Variants in CDH22 observed in about 807,000 individuals in gnomAD.
CDH22 encodes cadherin-22.
In CDH22, 30 loss-of-function variants were observed where a neutral mutation model predicts 58.4. The ratio of observed to expected loss-of-function variants is 0.51; its 90% CI spans 0.38 to 0.70. The LOEUF (loss-of-function observed/expected upper bound fraction) is 0.70, where lower values mean the gene tolerates loss of function less well. Among genes scored for constraint, CDH22 ranks in the 30% least tolerant of loss-of-function variants. The pLI is 0.00. For missense variants in CDH22, 1,014 were observed against 1,233.9 expected (o/e 0.82, Z 2.67); for synonymous variants, 513 against 558.2 (o/e 0.92, Z 1.14).
At chr20:46,244,715 A>T (rs2086315980) in intron 2 of CDH22, among the ~76,000 whole-genome samples, 2 of 152,158 alleles carry the variant, frequency 1.3e-5, no homozygotes, top group Admixed American at 1.3e-4. Context: ...GCAGAGGGTG[A>T]GGGAGAAAAG....
chr20:46,181,863 T>C (rs989674153), intron 10 of CDH22, among the ~76,000 whole-genome samples: 6 of 150,488 alleles, frequency 4.0e-5, no homozygotes, highest in African/African-American at 1.2e-4. Flanking sequence ...GTCACCCAAA[T>C]TGGAGTGCAG....
In CDH22 at chr20:46,176,367, G is replaced by A. The variant is rs183527495; in HGVS notation, c.1916-1290C>T. Among the ~76,000 whole-genome samples the A allele has an allele frequency of 3.3e-5, 5 of 152,216 alleles. No individual in the cohort carries two copies. The East Asian group carries it at 5.8e-4, about 18-fold the overall frequency. On this transcript the variant is annotated intron_variant, in intron 11 of 11. Transcript: ENST00000537909. ...TCTCAAACTTAACAGGTTCAAAGGT[G>A]AAATACTAATCTTTCCCCCTTCCCC...
In CDH22 at chr20:46,235,401, G is replaced by A. The variant is rs146757891; in HGVS notation, c.550+5562C>T. On this transcript the variant is annotated intron_variant, in intron 3 of 11. Transcript: ENST00000537909. ...CTGTTGATGTATGCAGCATCAAGCT[G>A]TAAATTCCCTCTCTCTGCTGCTGAC... Among the ~76,000 whole-genome samples, 163 of 152,320 alleles carry A rather than the reference G, an allele frequency of 1.1e-3. 2 individuals carry two copies. Among genetic ancestry groups the A allele is most frequent in the African/African-American group, 3.8e-3 (159 of 41,574 alleles).
Position 46,216,834 on chromosome 20 carries a change from A to G in CDH22, c.830T>C (p.Phe277Ser), listed in dbSNP as rs1333617829. 6.3e-7 allele frequency: 1 copy of G among 1,597,108 alleles called. No homozygotes were observed. The change falls in exon 5 of 12, where the codon TTC (phenylalanine) becomes TCC (serine). Residue 277 changes from phenylalanine (F) to serine (S), a missense_variant. Physicochemically the swap from Phe to Ser is radical, Grantham distance 155. Around this residue, in one of 2 missense-constraint regions of CDH22, gnomAD observed 806 missense variants for 1,038.7 expected, o/e 0.78. Transcript: ENST00000537909. This position sits in a 1 kb window ranked among gnomAD's most constrained non-coding sequence, Gnocchi z 5.3. ...GGGAAGGCCTCACTCACTCTGCGGG[A>G]AACGGGGCGGGTTGTCATTGACGTC... ...VTDVNDNPPRFPQKMYQFSIQ... is the reference protein window; with the variant it reads ...VTDVNDNPPRSPQKMYQFSIQ...
chr20:46,221,961 C>T (rs1568663515), intron 4 of CDH22, among the ~76,000 whole-genome samples: 3 of 152,204 alleles, frequency 2.0e-5, no homozygotes, highest in African/African-American at 7.2e-5. Flanking sequence ...TGCACAGACT[C>T]AGATAGGCTG....
chr20:46,184,863 A>T (rs2085813226), intron 10 of CDH22, among the ~76,000 whole-genome samples: 1 of 152,200 alleles, frequency 6.6e-6, no homozygotes, highest in African/African-American at 2.4e-5. Flanking sequence ...AGGCGGGCAG[A>T]TCACCTGAGG....
In CDH22 at chr20:46,174,520, C is replaced by A; in HGVS notation, c.2473G>T (p.Ala825Ser). Reference sequence around the variant, plus strand: ...AGGGCGAGGGGCTAGGAGGCCTGGGCCTCGTCGTCCCCGCGGTGGCCGGCG... The same window carrying A: ...AGGGCGAGGGGCTAGGAGGCCTGGGACTCGTCGTCCCCGCGGTGGCCGGCG... Reference protein sequence around the residue: ...LYAGHRGDDEAQAS With the variant: ...LYAGHRGDDESQAS The change falls in exon 12 of 12, where the codon GCC becomes TCC. Residue 825 changes from alanine to serine, a missense_variant. By Grantham distance (99) the Ala-to-Ser change is moderately conservative. This residue lies in a region of CDH22 where 208 missense variants were observed against 195.2 expected (regional missense o/e 1.07). Transcript: ENST00000537909. The surrounding 1 kb of genome is among the most constrained non-coding windows in gnomAD (Gnocchi z 4.4). 1 of 1,514,194 alleles carries A rather than the reference C, an allele frequency of 6.6e-7. No homozygotes were observed. Among genetic ancestry groups the A allele is most frequent in the Admixed American group, 2.0e-5 (1 of 48,952 alleles). 93.8% of individuals were successfully genotyped at this position (1,514,194 alleles called of 1,614,324 possible).
At chr20:46,212,952 C>T (rs924279959) in intron 6 of CDH22, 43 bp downstream of exon 6, 2 of 1,558,282 alleles carry the variant, frequency 1.3e-6, no homozygotes, top group Admixed American at 1.7e-5. Context: ...GATCCTCCCA[C>T]CCCTGAGGCC....
intron 7 of CDH22, among the ~76,000 whole-genome samples, chr20:46,201,429 G>C (rs1452573137): frequency 6.6e-6 from 1 of 152,212 alleles, no homozygotes; most frequent in Non-Finnish European, 1.5e-5. Flanking sequence ...CTCTGAAATG[G>C]GGATATTGAC....
chr20:46,301,504 A>T (rs79924660), intron 1 of CDH22, among the ~76,000 whole-genome samples: 163 of 150,020 alleles, frequency 1.1e-3, no homozygotes, highest in East Asian at 5.5e-3. Context: ...CTATTAAAAA[A>T]ATATATATAT....
At chr20:46,250,231 T>G (rs2086360620) in intron 2 of CDH22, among the ~76,000 whole-genome samples, 2 of 147,596 alleles carry the variant, frequency 1.4e-5, no homozygotes, top group African/African-American at 4.9e-5. Flanking sequence ...TTCATTCACT[T>G]AATAAACCGT....
chr20:46,180,031 A>G (rs1001290005), intron 10 of CDH22, among the ~76,000 whole-genome samples: 2 of 151,204 alleles, frequency 1.3e-5, no homozygotes, highest in African/African-American at 2.5e-5. Context: ...GGAAGGATTT[A>G]TGGCTCCCCG....
rs1050324161 is a variant in CDH22 at position 46,246,189 on chromosome 20, G to A, written c.255+4851C>T. Among the ~76,000 whole-genome samples, 8 of 152,200 alleles carry A rather than the reference G, an allele frequency of 5.3e-5. 1 individual carries two copies. The highest frequency in any genetic ancestry group is 2.6e-4 in the Admixed American group (4 of 15,280). On this transcript the variant is annotated intron_variant, in intron 2 of 11. Transcript: ENST00000537909. Reference sequence around the variant, plus strand: ...ACAATTAAACGGACAGTGCGGCTACGCAAATAAAATGAGTCCAGGATTTAA... The same window carrying A: ...ACAATTAAACGGACAGTGCGGCTACACAAATAAAATGAGTCCAGGATTTAA...
In CDH22 at chr20:46,178,017, G is replaced by A; in HGVS notation, c.1844C>T (p.Ala615Val). The A allele has an allele frequency of 6.2e-7, 1 of 1,614,118 alleles. No individual in the cohort carries two copies. The highest frequency in any genetic ancestry group is 8.5e-7 in the Non-Finnish European group (1 of 1,180,020). Residue 615 changes from alanine to valine, a missense_variant, in exon 11 of 12, where the codon GCC becomes GTC. Physicochemically the swap from Ala to Val is moderately conservative, Grantham distance 64. This residue lies in a region of CDH22 where 806 missense variants were observed against 1,038.7 expected (regional missense o/e 0.78). Coordinates refer to ENST00000537909, the MANE Select transcript of CDH22 (RefSeq NM_021248.3). ...GCTGAGGGAGGCGGCCATGACAAAG[G>A]CCGTGGTGTTGCAGGACTGGATGGT... ...SGTIQSCNTT[A>V]FVMAASLSPG... is the part of the protein sequence containing the mutation.
At chr20:46,264,405 G>A (rs1034512084) in intron 1 of CDH22, among the ~76,000 whole-genome samples, 20 of 152,328 alleles carry the variant, frequency 1.3e-4, no homozygotes, top group African/African-American at 4.8e-4. Flanking sequence ...AACATTTATA[G>A]CGCTTTTACT....
At position 46,251,877 on chromosome 20, in the gene CDH22, G is replaced by A. The variant is rs1199929483; in HGVS notation, c.-399-184C>T. Among the ~76,000 whole-genome samples the A allele has an allele frequency of 6.6e-6, 1 of 151,946 alleles. No individual in the cohort carries two copies. The highest frequency in any genetic ancestry group is 2.4e-5 in the African/African-American group (1 of 41,344). ...TCTTGGAGCCCATAGTCTAGTAGGC[G>A]CCCTCTCCCGCACATCGCAGCCTCT... On this transcript the variant is annotated intron_variant, in intron 1 of 11. Transcript: ENST00000537909. The surrounding 1 kb of genome is among the most constrained non-coding windows in gnomAD (Gnocchi z 6.7).
intron 1 of CDH22, among the ~76,000 whole-genome samples, chr20:46,273,868 C>G (rs1338547783): frequency 6.6e-6 from 1 of 152,188 alleles, no homozygotes. Context: ...AGGGACCAGC[C>G]AGGGAAAGGG....
chr20:46,260,569 G>A (rs189344689), intron 1 of CDH22, among the ~76,000 whole-genome samples: 1 of 152,316 alleles, frequency 6.6e-6, no homozygotes, highest in East Asian at 1.9e-4. Context: ...GGGCCTGGGA[G>A]GGACTCAGGA....
intron 1 of CDH22, among the ~76,000 whole-genome samples, chr20:46,304,342 T>C (rs2086665346): frequency 2.0e-5 from 3 of 152,202 alleles, no homozygotes. Context: ...GTGCCAGGCA[T>C]TGTGCTCAGC....
Sources: allele counts gnomAD v4.1 joint callset (sites outside exome capture counted in the v4.1 genomes callset), GRCh38; gene constraint gnomAD v4.1.1; regional missense constraint gnomAD v4.1.1; non-coding constraint Gnocchi (gnomAD v3.1); transcripts MANE v1.5; gene names NCBI Gene and HGNC (gene_info 2026-07-23, HGNC 2026-07-21).